The following PTPN3 variants were observed in gnomAD, a reference collection of about 807,000 sequenced individuals.
The protein encoded by PTPN3 is tyrosine-protein phosphatase non-receptor type 3.
A neutral mutation model predicts 132.7 loss-of-function variants in PTPN3; 96 were observed. The ratio of observed to expected loss-of-function variants is 0.72; its 90% confidence interval spans 0.61 to 0.86. PTPN3 has a LOEUF of 0.86. Among genes scored for constraint, PTPN3 ranks in the 40% least tolerant of loss-of-function variants. The probability of loss-of-function intolerance (pLI) is 0.00; values close to 1 mark genes in which losing one functional copy is unlikely to be tolerated. For synonymous variants in PTPN3, 398 were observed against 429.0 expected, an observed-to-expected ratio of 0.93 and a Z score of 0.89; for missense variants, 1,125 against 1,159.6, an observed-to-expected ratio of 0.97 and a Z score of 0.43.
In PTPN3 at chr9:109,377,733, G is replaced by A. The variant is rs1838696071; in HGVS notation, c.*1823C>T. ...CTGTTGCTGTTCTAGCCGATAAAAA[G>A]TCACATGAATAGCGTGATCTTATTC... On this transcript the variant is annotated 3_prime_UTR_variant, in exon 26 of 26. Transcript: ENST00000374541. The A allele has an allele frequency of 6.6e-6, 1 of 152,176 alleles. No individual in the cohort carries two copies. The highest frequency in any genetic ancestry group is 6.5e-5 in the Admixed American group (1 of 15,276). 9.4% of individuals were successfully genotyped at this position (152,176 alleles called of 1,614,324 possible).
At position 109,391,600 on chromosome 9, in the gene PTPN3, A is replaced by T. The variant is rs370439198; in HGVS notation, c.1954-39T>A. The T allele has an allele frequency of 4.7e-5, 71 of 1,511,162 alleles. No homozygotes were observed. In the East Asian group the frequency reaches 1.2e-3, roughly 26 times the overall value. The allele number at this position is 1,511,162 out of a possible 1,614,324, so 93.6% of individuals were successfully genotyped here. On this transcript the variant is annotated intron_variant, in intron 19 of 25. Coordinates refer to ENST00000374541, the MANE Select transcript of PTPN3 (RefSeq NM_002829.4). ...AGAGAAAAAAGCAAGCATTGCAAAA[A>T]TCAGATGAAGAAAGTGTGAAAACAT... is the stretch of plus-strand genomic sequence containing the variant.
rs1358716572 is a variant in PTPN3 at position 109,449,229 on chromosome 9, GGC to G, written c.369-376_369-375del. ...GAACCCACAGGGGCTCTGCACAAGC[GGC>G]GCCCACACACTGGCAGGGCCACTGT... On this transcript the variant is annotated intron_variant, in intron 5 of 25. Coordinates refer to ENST00000374541, the MANE Select transcript of PTPN3 (RefSeq NM_002829.4). 9 of 1,040,344 alleles carry G rather than the reference GGC, an allele frequency of 8.7e-6. No homozygotes were observed. The East Asian group carries it at 8.5e-4, about 98-fold the overall frequency. The allele number at this position is 1,040,344 out of a possible 1,614,324, so 64.4% of individuals were successfully genotyped here. A position where few individuals can be genotyped will look rare whatever the true frequency, so the allele number is the denominator to read the frequency against.
At position 109,410,327 on chromosome 9, in the gene PTPN3, A is replaced by T. The variant is rs1163920014; in HGVS notation, c.1402T>A (p.Cys468Ser). The T allele has an allele frequency of 6.2e-7, 1 of 1,614,218 alleles. No individual in the cohort carries two copies. Among genetic ancestry groups the T allele is most frequent in the Admixed American group, 1.7e-5 (1 of 60,030 alleles). The part of the protein sequence containing the change: ...VSPSSNAPGS[C>S]SPDGVDQQLL... ...TGCTGATCAACGCCGTCAGGTGAGCAGGAGCCTGGAGCATTTGAAGATGGA... is the reference window on the plus strand; with the variant it reads ...TGCTGATCAACGCCGTCAGGTGAGCTGGAGCCTGGAGCATTTGAAGATGGA... Residue 468 changes from cysteine to serine, a missense_variant, in exon 15 of 26, where the codon TGC (cysteine) becomes AGC (serine). Physicochemically the swap from Cys to Ser is moderately radical, Grantham distance 112 (BLOSUM62 -1). Transcript: ENST00000374541.
At chr9:109,392,059 T>C (rs919283026) in intron 19 of PTPN3, among the ~76,000 whole-genome samples, 1 of 152,204 alleles carries the variant, frequency 6.6e-6, no homozygotes, top group East Asian at 1.9e-4. Context: ...ACATTTCATT[T>C]ACAGAGGTAC....
At chr9:109,403,939 G>A (rs956670679) in intron 19 of PTPN3, among the ~76,000 whole-genome samples, 4 of 152,150 alleles carry the variant, frequency 2.6e-5, no homozygotes, top group African/African-American at 9.7e-5. Context: ...GGGCAACTTG[G>A]GAGGGCGAGA....
At chr9:109,490,799 CTTAGT>C (rs1847426548) in intron 1 of PTPN3, among the ~76,000 whole-genome samples, 1 of 151,170 alleles carries the variant, frequency 6.6e-6, no homozygotes, top group South Asian at 2.1e-4. Flanking sequence ...GGGGAACTGT[CTTAGT>C]TTAAAGGAAA....
chr9:109,474,398 T>C (rs1456298328), intron 1 of PTPN3, among the ~76,000 whole-genome samples: 2 of 152,240 alleles, frequency 1.3e-5, no homozygotes, highest in Non-Finnish European at 2.9e-5. Context: ...TCATTTACTC[T>C]GTGCCGTCTC....
chr9:109,433,175 GAT>G lies in PTPN3; in HGVS notation c.676-16_676-15del, dbSNP rs1044607168. On this transcript the variant is annotated splice_polypyrimidine_tract_variant and intron_variant, in intron 9 of 25. Transcript: ENST00000374541. The stretch of plus-strand genomic sequence containing the variant: ...ATTGTGCAGATCCTGTAAAAAGGAA[GAT>G]CTCAGATCCACAGCATGTTACAGTC... 6.2e-7 allele frequency: 1 copy of G among 1,613,614 alleles called. No individual in the cohort carries two copies. Among genetic ancestry groups the G allele is most frequent in the Admixed American group, 1.7e-5 (1 of 60,002 alleles).
intron 3 of PTPN3, 30 bp from the exon 4 acceptor site, chr9:109,457,245 A>G: frequency 3.1e-6 from 5 of 1,613,476 alleles, no homozygotes; most frequent in Non-Finnish European, 3.4e-6. Flanking sequence ...AAAATATAAA[A>G]GCAAACCGTG....
chr9:109,512,520 A>G, the PTPN3 span, among the ~76,000 whole-genome samples: 1 of 152,326 alleles, frequency 6.6e-6, no homozygotes, highest in South Asian at 2.1e-4. Flanking sequence ...GGACTCCTAA[A>G]TCTCAGTGTC....
rs141921863 is a variant in PTPN3, at chr9:109,404,038, C to T, written c.1953+410G>A. Among the ~76,000 whole-genome samples, 131 of 149,382 alleles carry T rather than the reference C, an allele frequency of 8.8e-4. 1 individual carries two copies. In the East Asian group the frequency reaches 0.023, roughly 26 times the overall value. On this transcript the variant is annotated intron_variant, in intron 19 of 25. Coordinates refer to ENST00000374541, the MANE Select transcript of PTPN3 (RefSeq NM_002829.4). ...GAGAGCTGGTTCCTTCACCCACAGC[C>T]ACCTCTCCACTGCCTTCCACTGCTG...
chr9:109,517,925 C>G, the PTPN3 span, among the ~76,000 whole-genome samples: 1 of 152,148 alleles, frequency 6.6e-6, no homozygotes. Flanking sequence ...CCACTCCCTG[C>G]AGGCTGTGGT....
At chr9:109,479,218 C>T (rs1846843523) in intron 1 of PTPN3, among the ~76,000 whole-genome samples, 1 of 152,206 alleles carries the variant, frequency 6.6e-6, no homozygotes, top group Non-Finnish European at 1.5e-5. Context: ...TCCTGGCCAC[C>T]TCTAATCTAC....
At chr9:109,508,742 A>T in the PTPN3 span, among the ~76,000 whole-genome samples, 1 of 152,228 alleles carries the variant, frequency 6.6e-6, no homozygotes, top group South Asian at 2.1e-4. Flanking sequence ...ATATAGATAG[A>T]TGTAGAAAGA....
chr9:109,500,038 G>T (rs1166956058), upstream of PTPN3, among the ~76,000 whole-genome samples: 2 of 152,238 alleles, frequency 1.3e-5, no homozygotes, highest in Non-Finnish European at 2.9e-5. Flanking sequence ...AGCGCCCCCG[G>T]GCTCAGCAGG....
At chr9:109,440,681 CTCAT>C (rs1844399242) in intron 7 of PTPN3, among the ~76,000 whole-genome samples, 2 of 152,222 alleles carry the variant, frequency 1.3e-5, no homozygotes, top group Non-Finnish European at 2.9e-5. Flanking sequence ...GTTTCATTAG[CTCAT>C]GGAGATCCTC....
At chr9:109,492,728 A>T (rs1318552559) in intron 1 of PTPN3, among the ~76,000 whole-genome samples, 1 of 152,208 alleles carries the variant, frequency 6.6e-6, no homozygotes, top group Non-Finnish European at 1.5e-5. Context: ...CAAAAATGTA[A>T]TTCTCTGCAA....
At chr9:109,473,927 AAG>A (rs918324048) in intron 1 of PTPN3, among the ~76,000 whole-genome samples, 54 of 149,742 alleles carry the variant, frequency 3.6e-4, no homozygotes, top group Admixed American at 2.6e-4. Flanking sequence ...TTTTTTTTTA[AAG>A]AGTTTTAGGA....
At chr9:109,419,216 A>G (rs1231946800) in intron 14 of PTPN3, among the ~76,000 whole-genome samples, 1 of 152,278 alleles carries the variant, frequency 6.6e-6, no homozygotes, top group Admixed American at 6.5e-5. Context: ...GAACACAGAT[A>G]AACTGGAAAC....
Sources: gnomAD v4.1 joint callset for allele counts (sites outside exome capture counted in the v4.1 genomes callset) on GRCh38, gnomAD v4.1.1 for gene constraint, MANE v1.5 for transcripts, NCBI Gene and HGNC (gene_info 2026-07-23, HGNC 2026-07-21) for gene names.